Variants in GPC5 observed in about 807,000 individuals in gnomAD.
The protein encoded by GPC5 is glypican 5.
A neutral mutation model predicts 53.9 loss-of-function variants in GPC5; 47 were observed. The ratio of observed to expected loss-of-function variants is 0.87; its 90% CI spans 0.69 to 1.11. The LOEUF (loss-of-function observed/expected upper bound fraction) is 1.11, where lower values mean the gene tolerates loss of function less well. Ranked by LOEUF, GPC5 falls within the 50% of genes most tolerant of loss-of-function variation. The pLI, the probability that GPC5 is intolerant of heterozygous loss-of-function variation, is 0.00. For synonymous variants in GPC5, 286 were observed against 263.3 expected (o/e 1.09, Z -0.84); for missense variants, 748 against 713.1 (o/e 1.05, Z -0.56).
intron 7 of GPC5, among the ~76,000 whole-genome samples, chr13:92,558,133 T>C (rs1358421704): frequency 1.3e-5 from 2 of 151,958 alleles, no homozygotes; most frequent in African/African-American, 4.8e-5. Context: ...AAATATTAGA[T>C]AAAAGATAAC....
At chr13:92,247,052 G>A (rs1221422602) in intron 7 of GPC5, among the ~76,000 whole-genome samples, 2 of 152,130 alleles carry the variant, frequency 1.3e-5, no homozygotes, top group African/African-American at 4.8e-5. Flanking sequence ...AAGACCAGCA[G>A]TGTTCACAGA....
intron 6 of GPC5, chr13:91,996,449 T>G (rs1481483250): frequency 6.6e-6 from 1 of 152,236 alleles, no homozygotes; most frequent in African/African-American, 2.4e-5. Context: ...TACATTATAG[T>G]CATCAGATAT....
At chr13:92,127,381 A>C (rs1005837356) in intron 6 of GPC5, among the ~76,000 whole-genome samples, 1 of 152,092 alleles carries the variant, frequency 6.6e-6, no homozygotes, top group East Asian at 1.9e-4. Context: ...TTAGAATATT[A>C]GCTTTTTTAA....
chr13:91,993,352 G>A (rs1012622000), intron 6 of GPC5, among the ~76,000 whole-genome samples: 6 of 151,792 alleles, frequency 4.0e-5, no homozygotes, highest in Admixed American at 1.3e-4. Context: ...TTGAAACTGC[G>A]TATACCTTTT....
chr13:91,536,912 A>G (rs1018449813), intron 2 of GPC5, among the ~76,000 whole-genome samples: 1 of 152,244 alleles, frequency 6.6e-6, no homozygotes, highest in African/African-American at 2.4e-5. Flanking sequence ...TGGGACAATC[A>G]TATGTCCATG....
chr13:91,560,560 C>G (rs1416515467), intron 2 of GPC5, among the ~76,000 whole-genome samples: 2 of 152,052 alleles, frequency 1.3e-5, no homozygotes, highest in East Asian at 3.9e-4. Context: ...GTCACAGTGT[C>G]CATGAGAACA....
At chr13:91,526,812 A>G (rs192069030) in intron 2 of GPC5, among the ~76,000 whole-genome samples, 1 of 152,328 alleles carries the variant, frequency 6.6e-6, no homozygotes, top group Non-Finnish European at 1.5e-5. Context: ...ACTTGCAATC[A>G]TGGTAGAAGG....
chr13:91,768,006 A>G (rs1011653096), intron 5 of GPC5, among the ~76,000 whole-genome samples: 1 of 152,204 alleles, frequency 6.6e-6, no homozygotes, highest in South Asian at 2.1e-4. Context: ...GTTACACCTG[A>G]AAAGCTATTC....
At chr13:92,069,883 G>A (rs1184912473) in intron 6 of GPC5, among the ~76,000 whole-genome samples, 1 of 152,060 alleles carries the variant, frequency 6.6e-6, no homozygotes, top group Non-Finnish European at 1.5e-5. Flanking sequence ...GTTGCAAGCA[G>A]AATAAAAGCC....
chr13:91,539,416 C>G lies in GPC5; in HGVS notation c.325+90494C>G, dbSNP rs1005853418. 2.6e-5 allele frequency among the ~76,000 whole-genome samples: 4 copies of G among 152,180 alleles called. No homozygotes were observed. In the East Asian group the frequency reaches 7.7e-4, roughly 29 times the overall value. On this transcript the variant is annotated intron_variant, in intron 2 of 7. Coordinates refer to ENST00000377067, the MANE Select transcript of GPC5 (RefSeq NM_004466.6). ...TTCTACCTCTCAATGAAACTTTAGT[C>G]TCTGTGGGTTTCTTTCCCAGGCAGG...
intron 2 of GPC5, among the ~76,000 whole-genome samples, chr13:91,669,693 G>T (rs561507543): frequency 4.6e-5 from 7 of 152,212 alleles, no homozygotes; most frequent in South Asian, 4.1e-4. Flanking sequence ...AAAGAAGGAG[G>T]TTATTCACTA....
chr13:92,707,642 T>A lies in GPC5; in HGVS notation c.1562-158640T>A, dbSNP rs1490783274. ...GAAAGCTCTTCTTTAAAAAAAAAAA[T>A]GCATGTGTACTAAGAGCTAGACTCC... On this transcript the variant is annotated intron_variant, in intron 7 of 7. Coordinates refer to ENST00000377067, the MANE Select transcript of GPC5 (RefSeq NM_004466.6). 3.3e-5 allele frequency among the ~76,000 whole-genome samples: 5 copies of A among 150,890 alleles called. No individual in the cohort carries two copies. The East Asian group carries it at 9.8e-4, about 30-fold the overall frequency.
intron 7 of GPC5, chr13:92,446,845 C>G (rs973492136): frequency 6.6e-6 from 1 of 152,046 alleles, no homozygotes; most frequent in Non-Finnish European, 1.5e-5. Context: ...GAGATGACAT[C>G]TCATTGCAGT....
At chr13:92,121,079 C>T (rs1157312929) in intron 6 of GPC5, among the ~76,000 whole-genome samples, 3 of 152,286 alleles carry the variant, frequency 2.0e-5, no homozygotes, top group Admixed American at 6.5e-5. Flanking sequence ...CAACCACATA[C>T]GTCCAAGTAA....
At position 92,826,959 on chromosome 13, in the gene GPC5, C is replaced by G. The variant is rs150652290; in HGVS notation, c.1562-39323C>G. ...CATTAATCATAGACATTTCAAGTATCTTTTCCCTGTCATCTACCCATTAAT... is the reference window on the plus strand; with the variant it reads ...CATTAATCATAGACATTTCAAGTATGTTTTCCCTGTCATCTACCCATTAAT... On this transcript the variant is annotated intron_variant, in intron 7 of 7. Coordinates refer to ENST00000377067, the MANE Select transcript of GPC5 (RefSeq NM_004466.6). 5.3e-5 allele frequency among the ~76,000 whole-genome samples: 8 copies of G among 152,210 alleles called. No homozygotes were observed. The East Asian group carries it at 1.5e-3, about 29-fold the overall frequency.
rs137912074 is a variant in GPC5 at position 91,693,418 on chromosome 13, G to T, written c.557G>T (p.Ser186Ile). The T allele has an allele frequency of 1.8e-4, 292 of 1,614,124 alleles. No homozygotes were observed. In the African/African-American group the frequency reaches 3.5e-3, roughly 19 times the overall value. Residue 186 changes from serine to isoleucine, a missense_variant, in exon 3 of 8, where the codon AGT (serine) becomes ATT (isoleucine). Ser to Ile is a moderately radical substitution (Grantham distance 142). Transcript: ENST00000377067. ...NHLINPGVTD[S>I]SLEYSECIRM... ...CTCATTAACCCTGGTGTGACTGACA[G>T]TTCCCTGGAATACTCAGAATGCATC...
intron 7 of GPC5, among the ~76,000 whole-genome samples, chr13:92,165,844 A>T (rs548773976): frequency 2.0e-5 from 3 of 152,212 alleles, no homozygotes; most frequent in Non-Finnish European, 4.4e-5. Flanking sequence ...TTAAAACTCT[A>T]TATGATAGGT....
chr13:92,529,086 G>C lies in GPC5; in HGVS notation c.1562-337196G>C, dbSNP rs542568212. ...TCTTTAAGGTAGAACATTTAAGACT[G>C]AATCTTGCTTTTTAGAATACTTCAT... is the stretch of plus-strand genomic sequence containing the variant. On this transcript the variant is annotated intron_variant, in intron 7 of 7. Transcript: ENST00000377067. Among the ~76,000 whole-genome samples, 26 of 152,162 alleles carry C rather than the reference G, an allele frequency of 1.7e-4. No homozygotes were observed. In the South Asian group the frequency reaches 5.4e-3, roughly 32 times the overall value.
chr13:91,826,178 TTAAA>T (rs557814411), intron 5 of GPC5, among the ~76,000 whole-genome samples: 85 of 82,686 alleles, frequency 1.0e-3, no homozygotes, highest in Non-Finnish European at 1.7e-3. Flanking sequence ...GCAGTTAATA[TTAAA>T]TAAATGATGA....
Sources: allele counts gnomAD v4.1 joint callset (sites outside exome capture counted in the v4.1 genomes callset), GRCh38; gene constraint gnomAD v4.1.1; transcripts MANE v1.5; gene names NCBI Gene and HGNC (gene_info 2026-07-23, HGNC 2026-07-21).